FRYL: variants seen among roughly 807,000 people sequenced by gnomAD.
FRYL encodes the protein protein furry homolog-like.
FRYL carries 150 observed loss-of-function variants against 351.2 expected under a neutral mutation model. The ratio of observed to expected loss-of-function variants is 0.43; its 90% confidence interval spans 0.37 to 0.49. The LOEUF (loss-of-function observed/expected upper bound fraction) is 0.49, where lower values mean the gene tolerates loss of function less well. FRYL is among the 20% of genes least tolerant of loss of function. The pLI is 0.00. For synonymous variants in FRYL, 1,153 were observed against 1,257.1 expected (o/e 0.92, Z 1.75); for missense variants, 3,036 against 3,619.3 (o/e 0.84, Z 4.13).
intron 53 of FRYL, among the ~76,000 whole-genome samples, chr4:48,526,351 A>G (rs895143773): frequency 2.6e-5 from 4 of 152,192 alleles, no homozygotes; most frequent in African/African-American, 9.6e-5. Flanking sequence ...ACTGTGGTTT[A>G]GGGAACTGAG....
At chr4:48,538,596 T>C (rs1729401072) in intron 47 of FRYL, among the ~76,000 whole-genome samples, 1 of 152,140 alleles carries the variant, frequency 6.6e-6, no homozygotes, top group African/African-American at 2.4e-5. Context: ...TCCTGCATGC[T>C]TGCTCTTTCC....
chr4:48,620,555 A>AAGT, intron 6 of FRYL, 84 bp downstream of exon 6: 1 of 1,397,520 alleles, frequency 7.2e-7, no homozygotes, highest in East Asian at 2.3e-5. Context: ...GGAATCAAAC[A>AAGT]ATAACAACCT....
chr4:48,741,942 C>T (rs980313709), intron 1 of FRYL, among the ~76,000 whole-genome samples: 4 of 152,176 alleles, frequency 2.6e-5, no homozygotes, highest in Non-Finnish European at 5.9e-5. Context: ...ATAGTGGATA[C>T]ATGTCATTAG....
intron 3 of FRYL, among the ~76,000 whole-genome samples, chr4:48,651,420 C>A (rs1180065085): frequency 6.6e-6 from 1 of 151,646 alleles, no homozygotes; most frequent in African/African-American, 2.4e-5. Context: ...GATCCTCTCA[C>A]CTCAGCCTCC....
chr4:48,501,427 C>G (rs79740408), intron 62 of FRYL, among the ~76,000 whole-genome samples, 196 bp downstream of exon 62: 3,279 of 152,266 alleles, frequency 0.022, 36 homozygotes, highest in Middle Eastern at 0.065. Context: ...CCTTTTACAA[C>G]TGCTGGATAT....
At chr4:48,543,711 C>A in intron 44 of FRYL, 96 bp downstream of exon 44, 1 of 1,017,116 alleles carries the variant, frequency 9.8e-7, no homozygotes, top group Non-Finnish European at 1.4e-6. Flanking sequence ...TTCTAGATGC[C>A]CATTATCTTG....
intron 1 of FRYL, among the ~76,000 whole-genome samples, chr4:48,719,121 G>A (rs1421616598): frequency 1.3e-5 from 2 of 151,594 alleles, no homozygotes; most frequent in Admixed American, 6.6e-5. Flanking sequence ...CCCAGGCTTG[G>A]TAATTCAATG....
At chr4:48,698,048 C>T (rs1343778098) in intron 2 of FRYL, among the ~76,000 whole-genome samples, 1 of 152,188 alleles carries the variant, frequency 6.6e-6, no homozygotes, top group South Asian at 2.1e-4. Flanking sequence ...GTGGCACTTA[C>T]ACACACAGCT....
At chr4:48,697,686 T>C (rs1766328871) in intron 2 of FRYL, among the ~76,000 whole-genome samples, 1 of 152,094 alleles carries the variant, frequency 6.6e-6, no homozygotes, top group Admixed American at 6.6e-5. Context: ...ACTATGCTGG[T>C]CACGCTGGTC....
chr4:48,585,174 A>C (rs1200801991), intron 19 of FRYL, among the ~76,000 whole-genome samples: 1 of 152,248 alleles, frequency 6.6e-6, no homozygotes, highest in Non-Finnish European at 1.5e-5. Context: ...TGCTCTCCCA[A>C]GGAATAGTAT....
chr4:48,679,604 A>G (rs1764302541), intron 3 of FRYL, among the ~76,000 whole-genome samples: 1 of 152,106 alleles, frequency 6.6e-6, no homozygotes, highest in African/African-American at 2.4e-5. Context: ...GATAGGAGAA[A>G]TAAGTTCTAG....
chr4:48,611,328 T>A (rs1748154503), intron 7 of FRYL, among the ~76,000 whole-genome samples: 1 of 152,020 alleles, frequency 6.6e-6, no homozygotes, highest in Admixed American at 6.5e-5. Context: ...TTATATATAT[T>A]GTTTTAATTT....
Position 48,535,657 on chromosome 4 carries a change from C to A in FRYL, c.6564G>T (p.Glu2188Asp). 6.4e-7 allele frequency: 1 copy of A among 1,561,650 alleles called. No individual in the cohort carries two copies. Residue 2188 changes from glutamate to aspartate, a missense_variant and splice_region_variant, in exon 48 of 64, where the codon GAG (glutamate) becomes GAT (aspartate). This residue lies in a region of FRYL where 1,987 missense variants were observed against 2,311.7 expected (regional missense o/e 0.86). Coordinates refer to ENST00000358350, the MANE Select transcript of FRYL (RefSeq NM_015030.2). The stretch of plus-strand genomic sequence containing the variant: ...AAGAAAATATTTTTGGTAAATTTAC[C>A]TCTGCAAGATAAGTCACAAGATTAA... ...TTFNLVTYLA[E>D]LLEKGLSSMQ...
chr4:48,534,623 C>T lies in FRYL; in HGVS notation c.6627G>A (p.Leu2209=), dbSNP rs770043105. Residue 2209 remains leucine (L), a synonymous_variant, in exon 49 of 64, where the codon TTG becomes TTA. Transcript: ENST00000358350. Reference sequence around the variant, plus strand: ...GGGCTGCAGACAGGTCAATATGACTCAATAGACTATAAATAATCTGTAGTA... The same window carrying T: ...GGGCTGCAGACAGGTCAATATGACTTAATAGACTATAAATAATCTGTAGTA... ...QSLLQIIYSL[L]SHIDLSAAPA... is the part of the protein sequence containing the mutation. The T allele has an allele frequency of 2.5e-6, 4 of 1,599,170 alleles. No individual in the cohort carries two copies. In the South Asian group the frequency reaches 3.3e-5, roughly 13 times the overall value.
intron 3 of FRYL, among the ~76,000 whole-genome samples, chr4:48,668,334 G>A (rs1207394966): frequency 2.0e-5 from 3 of 149,154 alleles, no homozygotes; most frequent in East Asian, 3.9e-4. Flanking sequence ...GCTGGAGATC[G>A]CATCACTGCA....
chr4:48,512,804 G>A (rs1722755520), intron 56 of FRYL, 116 bp from the exon 57 acceptor site: 1 of 683,210 alleles, frequency 1.5e-6, no homozygotes, highest in African/African-American at 1.8e-5. Flanking sequence ...CATACACACT[G>A]ATTTAGAAAA....
intron 4 of FRYL, among the ~76,000 whole-genome samples, chr4:48,623,894 T>G (rs1386924130): frequency 1.3e-5 from 2 of 152,142 alleles, no homozygotes; most frequent in Non-Finnish European, 2.9e-5. Flanking sequence ...ACCTTTTATA[T>G]GTATGTAAAA....
rs566573500 is a variant in FRYL, at chr4:48,551,287, C to A, written c.4520+207G>T. Reference sequence around the variant, plus strand: ...ACTTACCATATACCACCTATTTATACATTAGAGCATATAAAAAAATCTAGC... The same window carrying A: ...ACTTACCATATACCACCTATTTATAAATTAGAGCATATAAAAAAATCTAGC... On this transcript the variant is annotated intron_variant, in intron 37 of 63. Transcript: ENST00000358350. Among the ~76,000 whole-genome samples, 14 of 152,228 alleles carry A rather than the reference C, an allele frequency of 9.2e-5. No homozygotes were observed. In the East Asian group the frequency reaches 2.7e-3, roughly 29 times the overall value.
intron 52 of FRYL, 123 bp from the exon 53 acceptor site, chr4:48,527,776 G>T: frequency 9.1e-7 from 1 of 1,096,150 alleles, no homozygotes; most frequent in Non-Finnish European, 1.3e-6. Context: ...GCTTAAATTT[G>T]GTCTTCATGT....
Sources: gnomAD v4.1 joint callset for allele counts (sites outside exome capture counted in the v4.1 genomes callset) on GRCh38, gnomAD v4.1.1 for gene constraint, gnomAD v4.1.1 regional missense constraint, MANE v1.5 for transcripts, NCBI Gene and HGNC (gene_info 2026-07-23, HGNC 2026-07-21) for gene names.